CRYL1: variants seen among roughly 807,000 people sequenced by gnomAD.
CRYL1 encodes crystallin lambda 1.
A neutral mutation model predicts 36.6 loss-of-function variants in CRYL1; 29 were observed. The observed-to-expected ratio is 0.79, with a 90% CI of 0.59 to 1.08. The LOEUF is 1.08. Among genes scored for constraint, CRYL1 ranks in the 50% least tolerant of loss-of-function variants. The pLI, the probability that CRYL1 is intolerant of heterozygous loss-of-function variation, is 0.00. For synonymous variants in CRYL1, 152 were observed against 151.5 expected, an observed-to-expected ratio of 1.00 and a Z score of -0.02; for missense variants, 411 against 407.9, an observed-to-expected ratio of 1.01 and a Z score of -0.06.
chr13:20,464,787 C>T (rs2032899351), intron 3 of CRYL1, among the ~76,000 whole-genome samples: 1 of 152,200 alleles, frequency 6.6e-6, no homozygotes, highest in African/African-American at 2.4e-5. Context: ...AAAGTGCATT[C>T]ATCGCAGGTA....
At position 20,508,880 on chromosome 13, in the gene CRYL1, A is replaced by C. The variant is rs866128844; in HGVS notation, c.149+3563T>G. On this transcript the variant is annotated intron_variant, in intron 2 of 7. Coordinates refer to ENST00000298248, the MANE Select transcript of CRYL1 (RefSeq NM_015974.3). ...AAAAAAAAAAAAAAAAAAAAACAAAAAAAAAAAACTGACAACAACAACATT... is the reference window on the plus strand; with the variant it reads ...AAAAAAAAAAAAAAAAAAAAACAAACAAAAAAAACTGACAACAACAACATT... Among the ~76,000 whole-genome samples, 98 of 110,312 alleles carry C rather than the reference A, an allele frequency of 8.9e-4. 1 individual carries two copies. Among genetic ancestry groups the C allele is most frequent in the African/African-American group, 3.0e-3 (95 of 31,984 alleles). The allele number at this position is 110,312 out of a possible 152,430, so 72.4% of individuals were successfully genotyped here.
chr13:20,420,702 T>TTTTTTTTTTTTTTTTTTTTTTG lies in CRYL1; in HGVS notation c.634-7316_634-7315insCAAAAAAAAAAAAAAAAAAAAA, dbSNP rs377096169. 2.1e-5 allele frequency among the ~76,000 whole-genome samples: 2 copies of TTTTTTTTTTTTTTTTTTTTTTG among 93,230 alleles called. 1 individual carries two copies. Among genetic ancestry groups the TTTTTTTTTTTTTTTTTTTTTTG allele is most frequent in the African/African-American group, 8.5e-5 (2 of 23,576 alleles). 61.2% of individuals were successfully genotyped at this position (93,230 alleles called of 152,430 possible). A position where few individuals can be genotyped will look rare whatever the true frequency, so the allele number is the denominator to read the frequency against. ...TTTGACTTTTCTTTAAAATAGAGGTTGTGTGTGTGTGTGTGTGTGTGTGTG... is the reference window on the plus strand; with the variant it reads ...TTTGACTTTTCTTTAAAATAGAGGTTTTTTTTTTTTTTTTTTTTTTTGGTGTGTGTGTGTGTGTGTGTGTGTG... On this transcript the variant is annotated intron_variant, in intron 5 of 7. Transcript: ENST00000298248.
chr13:20,475,261 G>A (rs1260381494), intron 3 of CRYL1, among the ~76,000 whole-genome samples: 6 of 152,176 alleles, frequency 3.9e-5, no homozygotes, highest in Non-Finnish European at 7.4e-5. Context: ...CCTGGCAGGG[G>A]TGGCAGGCAT....
At chr13:20,464,325 C>T (rs7338883) in intron 3 of CRYL1, among the ~76,000 whole-genome samples, 146,151 of 152,196 alleles carry the variant, frequency 0.96, 70,436 homozygotes, top group East Asian at 1. Context: ...ACTCAGGAGG[C>T]AGAGGTTGCA....
At chr13:20,465,898 G>C (rs2032921774) in intron 3 of CRYL1, among the ~76,000 whole-genome samples, 1 of 151,828 alleles carries the variant, frequency 6.6e-6, no homozygotes, top group Admixed American at 6.6e-5. Flanking sequence ...CTCCTGGAGG[G>C]GGGCTATGAA....
chr13:20,522,263 T>C lies in CRYL1; in HGVS notation c.41+3491A>G, dbSNP rs1315958476. Reference sequence around the variant, plus strand: ...TACTTGGGAGGCTGAGGCAGGAGAATTGCTTGAATCCAGAAGGCAGAGGTT... The same window carrying C: ...TACTTGGGAGGCTGAGGCAGGAGAACTGCTTGAATCCAGAAGGCAGAGGTT... On this transcript the variant is annotated intron_variant, in intron 1 of 7. Transcript: ENST00000298248. Among the ~76,000 whole-genome samples the C allele has an allele frequency of 3.9e-5, 6 of 152,062 alleles. No individual in the cohort carries two copies. In the East Asian group the frequency reaches 7.7e-4, roughly 20 times the overall value.
chr13:20,475,250 C>CCCTG (rs1274306007), intron 3 of CRYL1, among the ~76,000 whole-genome samples: 1 of 152,158 alleles, frequency 6.6e-6, no homozygotes, highest in African/African-American at 2.4e-5. Flanking sequence ...GTCTCTCCCT[C>CCCTG]CCTGGCAGGG....
At chr13:20,483,985 T>A (rs1163664521) in intron 3 of CRYL1, among the ~76,000 whole-genome samples, 2 of 152,110 alleles carry the variant, frequency 1.3e-5, no homozygotes, top group Non-Finnish European at 2.9e-5. Flanking sequence ...CCTGGCTAAT[T>A]TTTTGTATTT....
chr13:20,437,305 AT>A (rs2032242705), intron 4 of CRYL1, among the ~76,000 whole-genome samples: 2 of 146,480 alleles, frequency 1.4e-5, no homozygotes, highest in South Asian at 4.4e-4. Flanking sequence ...AATAAGGAAG[AT>A]TAATTTTTTT....
At chr13:20,462,794 C>T (rs1359255085) in intron 3 of CRYL1, among the ~76,000 whole-genome samples, 1 of 151,838 alleles carries the variant, frequency 6.6e-6, no homozygotes, top group African/African-American at 2.4e-5. Flanking sequence ...GGTACCATCC[C>T]ACTGCCTTAA....
intron 2 of CRYL1, among the ~76,000 whole-genome samples, chr13:20,498,779 T>C (rs1228611969): frequency 6.6e-6 from 1 of 152,214 alleles, no homozygotes. Context: ...ATGCTGTCTT[T>C]ACTAGGTCTT....
At chr13:20,493,704 G>A (rs1243966871) in intron 2 of CRYL1, among the ~76,000 whole-genome samples, 2 of 152,166 alleles carry the variant, frequency 1.3e-5, no homozygotes, top group African/African-American at 4.8e-5. Flanking sequence ...GAGAAGAAAT[G>A]CAGACTTCCA....
chr13:20,410,998 G>C (rs749544893), intron 6 of CRYL1, among the ~76,000 whole-genome samples: 3 of 152,184 alleles, frequency 2.0e-5, no homozygotes, highest in Non-Finnish European at 4.4e-5. Context: ...CTGTTTCTCA[G>C]AAACTATTTC....
At chr13:20,433,428 T>A (rs1332926324) in intron 4 of CRYL1, among the ~76,000 whole-genome samples, 1 of 152,200 alleles carries the variant, frequency 6.6e-6, no homozygotes, top group Non-Finnish European at 1.5e-5. Flanking sequence ...ATAGGTAGAA[T>A]GTCACATTTG....
intron 3 of CRYL1, among the ~76,000 whole-genome samples, chr13:20,473,359 CT>C (rs1359836360): frequency 3.3e-5 from 5 of 152,218 alleles, no homozygotes; most frequent in Admixed American, 2.6e-4. Flanking sequence ...AATTTCCAGA[CT>C]TTTAAACATC....
intron 5 of CRYL1, among the ~76,000 whole-genome samples, chr13:20,416,863 A>T (rs1359632628): frequency 1.2e-4 from 18 of 152,190 alleles, no homozygotes. Context: ...GGGAGGAACC[A>T]CATTCCCTCC....
chr13:20,419,918 T>C (rs7320760), intron 5 of CRYL1, among the ~76,000 whole-genome samples: 110,154 of 152,116 alleles, frequency 0.72, 40,216 homozygotes, highest in Admixed American at 0.82. Context: ...ACCCAGTGGT[T>C]CCCACCCACG....
chr13:20,434,190 C>T (rs1381435230), intron 4 of CRYL1, among the ~76,000 whole-genome samples: 2 of 152,220 alleles, frequency 1.3e-5, no homozygotes, highest in Admixed American at 1.3e-4. Context: ...TCCCTAGCCC[C>T]TCTCACTTTC....
At chr13:20,508,862 A>AAAAAAC (rs1565988262) in intron 2 of CRYL1, among the ~76,000 whole-genome samples, 14 of 54,498 alleles carry the variant, frequency 2.6e-4, no homozygotes, top group African/African-American at 9.2e-4. Flanking sequence ...AAAAAAAAAA[A>AAAAAAC]AAAAAAAAAA....
Sources: gnomAD v4.1 joint callset for allele counts (sites outside exome capture counted in the v4.1 genomes callset) on GRCh38, gnomAD v4.1.1 for gene constraint, MANE v1.5 for transcripts, NCBI Gene and HGNC (gene_info 2026-07-23, HGNC 2026-07-21) for gene names.